The following SMAD3 variants were observed in gnomAD, a reference collection of about 807,000 sequenced individuals.
SMAD3 encodes the protein MAD homolog 3.
SMAD3 carries 12 observed loss-of-function variants against 51.8 expected under a neutral mutation model. The ratio of observed to expected loss-of-function variants is 0.23; its 90% confidence interval spans 0.15 to 0.38. SMAD3 has a LOEUF of 0.38. Ranked by LOEUF, SMAD3 falls within the 10% of genes least tolerant of loss-of-function variation. The probability of loss-of-function intolerance (pLI) is 1.00; values close to 1 mark genes in which losing one functional copy is unlikely to be tolerated. For missense variants in SMAD3, 294 were observed against 565.6 expected, an observed-to-expected ratio of 0.52 and a Z score of 4.87; for synonymous variants, 238 against 227.7, an observed-to-expected ratio of 1.05 and a Z score of -0.41.
At position 67,066,203 on chromosome 15, in the gene SMAD3, G is replaced by A. The variant is rs183418982; in HGVS notation, c.49G>A (p.Gly17Ser). The part of the protein sequence containing the change: ...FTPPIVKRLL[G>S]WKKGEQNGQE... Reference sequence around the variant, plus strand: ...TCCCCCGATCGTGAAGCGCCTGCTGGGCTGGAAGAAGGGCGAGCAGAACGG... The same window carrying A: ...TCCCCCGATCGTGAAGCGCCTGCTGAGCTGGAAGAAGGGCGAGCAGAACGG... Residue 17 changes from glycine to serine, a missense_variant, in exon 1 of 9, where the codon GGC (glycine) becomes AGC (serine). Transcript: ENST00000327367. 6.2e-7 allele frequency: 1 copy of A among 1,612,696 alleles called. No homozygotes were observed. The highest frequency in any genetic ancestry group is 1.3e-5 in the African/African-American group (1 of 75,012).
chr15:67,104,338 C>T (rs60327883), intron 1 of SMAD3, among the ~76,000 whole-genome samples: 6,993 of 152,242 alleles, frequency 0.046, 520 homozygotes, highest in African/African-American at 0.16. Context: ...CATGGTTAGC[C>T]GCAGGTTTGA....
At chr15:67,100,606 A>G (rs954951687) in intron 1 of SMAD3, among the ~76,000 whole-genome samples, 2 of 152,102 alleles carry the variant, frequency 1.3e-5, no homozygotes, top group African/African-American at 4.8e-5. Context: ...TGTGATAAAT[A>G]TATCAATATA....
At chr15:67,111,575 C>T (rs111512910) in intron 1 of SMAD3, among the ~76,000 whole-genome samples, 5 of 152,258 alleles carry the variant, frequency 3.3e-5, no homozygotes, top group African/African-American at 1.2e-4. Context: ...AAATTGTTTT[C>T]CAAAGTGGTT....
At chr15:67,186,228 G>A (rs1014111160) in intron 7 of SMAD3, among the ~76,000 whole-genome samples, 4 of 152,200 alleles carry the variant, frequency 2.6e-5, no homozygotes, top group African/African-American at 7.2e-5. Context: ...TCTGCTTCTT[G>A]GCTCTGCTGG....
intron 1 of SMAD3, among the ~76,000 whole-genome samples, chr15:67,144,500 C>T (rs1342181296): frequency 2.0e-5 from 3 of 152,030 alleles, no homozygotes; most frequent in Admixed American, 1.3e-4. Flanking sequence ...CTAAAATCCA[C>T]GTAATTAATG....
chr15:67,166,586 T>TC, intron 3 of SMAD3, 193 bp from the exon 4 acceptor site: 1 of 654,802 alleles, frequency 1.5e-6, no homozygotes. Context: ...GCAGTTATGA[T>TC]CCAAGCGGGA....
At chr15:67,082,991 T>C (rs1960310284) in intron 1 of SMAD3, among the ~76,000 whole-genome samples, 1 of 152,238 alleles carries the variant, frequency 6.6e-6, no homozygotes, top group Non-Finnish European at 1.5e-5. Context: ...GGGTGGGCAC[T>C]CCAGTAAATA....
chr15:67,144,814 T>C (rs1961931954), intron 1 of SMAD3, among the ~76,000 whole-genome samples: 1 of 152,220 alleles, frequency 6.6e-6, no homozygotes, highest in Non-Finnish European at 1.5e-5. Context: ...ACAGCAGATA[T>C]GCCTTCCACG....
intron 1 of SMAD3, among the ~76,000 whole-genome samples, chr15:67,133,056 C>T (rs898037198): frequency 6.6e-6 from 1 of 152,212 alleles, no homozygotes; most frequent in African/African-American, 2.4e-5. Context: ...TCTTTAAACA[C>T]TTGTCCAAAC....
At chr15:67,142,787 T>C in intron 1 of SMAD3, 1 of 434,588 alleles carries the variant, frequency 2.3e-6, no homozygotes, top group Non-Finnish European at 4.6e-6. Context: ...AAAGAGCTTG[T>C]GAAATAGGCT....
chr15:67,176,985 G>T (rs1461641762), intron 5 of SMAD3, among the ~76,000 whole-genome samples: 2 of 152,178 alleles, frequency 1.3e-5, no homozygotes, highest in East Asian at 3.8e-4. Context: ...AATGGGGTGT[G>T]TCACCTTACC....
At chr15:67,168,399 A>G (rs1278416679) in intron 4 of SMAD3, among the ~76,000 whole-genome samples, 1 of 152,226 alleles carries the variant, frequency 6.6e-6, no homozygotes, top group Non-Finnish European at 1.5e-5. Context: ...GCTGGAATGC[A>G]TCGAAGACCT....
chr15:67,168,816 C>T (rs1274909493), intron 4 of SMAD3, among the ~76,000 whole-genome samples: 1 of 152,144 alleles, frequency 6.6e-6, no homozygotes, highest in Non-Finnish European at 1.5e-5. Flanking sequence ...TGGGGGCTCT[C>T]CTGTTTTAGT....
chr15:67,085,482 A>T (rs1960368025), intron 1 of SMAD3, among the ~76,000 whole-genome samples: 1 of 152,228 alleles, frequency 6.6e-6, no homozygotes, highest in African/African-American at 2.4e-5. Context: ...TAGTTTCAGA[A>T]TCACTGTATA....
chr15:67,188,520 G>A (rs551048533), intron 8 of SMAD3, among the ~76,000 whole-genome samples: 44 of 152,120 alleles, frequency 2.9e-4, no homozygotes, highest in Non-Finnish European at 3.4e-4. Context: ...ATCCTGCTTT[G>A]GGTTTAGAGA....
chr15:67,147,603 A>G (rs190690637), intron 1 of SMAD3, among the ~76,000 whole-genome samples: 2 of 152,090 alleles, frequency 1.3e-5, no homozygotes, highest in Non-Finnish European at 2.9e-5. Context: ...CTGAGGCTGG[A>G]ATATTCTGCA....
chr15:67,125,851 G>A (rs980259790), intron 1 of SMAD3: 9 of 985,354 alleles, frequency 9.1e-6, no homozygotes, highest in Non-Finnish European at 1.1e-5. Flanking sequence ...CCGCGGCACT[G>A]GGGTAATTTA....
At chr15:67,073,992 G>A (rs1960112926) in intron 1 of SMAD3, among the ~76,000 whole-genome samples, 1 of 152,166 alleles carries the variant, frequency 6.6e-6, no homozygotes, top group Non-Finnish European at 1.5e-5. Flanking sequence ...CATTTTAAAA[G>A]CTCCCAGTTG....
At chr15:67,148,736 A>C (rs1247121559) in intron 1 of SMAD3, among the ~76,000 whole-genome samples, 1 of 152,236 alleles carries the variant, frequency 6.6e-6, no homozygotes, top group African/African-American at 2.4e-5. Flanking sequence ...GATCGGGTTC[A>C]CAAGGCTGGT....
Sources: gnomAD v4.1 joint callset for allele counts (sites outside exome capture counted in the v4.1 genomes callset) on GRCh38, gnomAD v4.1.1 for gene constraint, MANE v1.5 for transcripts, NCBI Gene and HGNC (gene_info 2026-07-23, HGNC 2026-07-21) for gene names.